The following PLCH1 variants were observed in gnomAD, a reference collection of about 807,000 sequenced individuals.
PLCH1 encodes 1-phosphatidylinositol 4,5-bisphosphate phosphodiesterase eta-1.
A neutral mutation model predicts 126.7 loss-of-function variants in PLCH1; 60 were observed. That is an observed-to-expected ratio of 0.47 (90% CI 0.38 to 0.59). The LOEUF is 0.59. Among genes scored for constraint, PLCH1 ranks in the 20% least tolerant of loss-of-function variants. The probability of loss-of-function intolerance (pLI) is 0.00; values close to 1 mark genes in which losing one functional copy is unlikely to be tolerated. For synonymous variants in PLCH1, 719 were observed against 734.9 expected (o/e 0.98, Z 0.35); for missense variants, 1,723 against 2,040.0 (o/e 0.84, Z 2.99).
rs1021654417 is a variant in PLCH1 at position 155,548,287 on chromosome 3, C to T, written c.1362+1500G>A. On this transcript the variant is annotated intron_variant, in intron 10 of 22. Coordinates refer to ENST00000460012, the MANE Select transcript of PLCH1 (RefSeq NM_014996.4). ...CTTGTTTTTGCTTTAAATGGGGTTG[C>T]GCTGGTCCGCAGATCCAGGCAGCTC... Among the ~76,000 whole-genome samples the T allele has an allele frequency of 5.3e-5, 8 of 152,118 alleles. 1 individual carries two copies. The highest frequency in any genetic ancestry group is 2.1e-4 in the South Asian group (1 of 4,828).
At chr3:155,625,733 A>T (rs1737158275) in intron 2 of PLCH1, among the ~76,000 whole-genome samples, 2 of 152,302 alleles carry the variant, frequency 1.3e-5, no homozygotes, top group South Asian at 4.1e-4. Flanking sequence ...GAAACAACAG[A>T]TGCTGGAGAG....
chr3:155,526,148 C>T (rs182829208), intron 10 of PLCH1, among the ~76,000 whole-genome samples: 2 of 152,202 alleles, frequency 1.3e-5, no homozygotes, highest in African/African-American at 2.4e-5. Context: ...GAGGCCAAGG[C>T]GACTGCAGTA....
intron 2 of PLCH1, among the ~76,000 whole-genome samples, chr3:155,679,687 C>G (rs1224340333): frequency 6.6e-6 from 1 of 152,164 alleles, no homozygotes; most frequent in Non-Finnish European, 1.5e-5. Context: ...CCTACTGACG[C>G]AAACCTAGGA....
At chr3:155,662,412 G>A (rs1331829571) in intron 2 of PLCH1, among the ~76,000 whole-genome samples, 5 of 151,960 alleles carry the variant, frequency 3.3e-5, no homozygotes, top group African/African-American at 1.2e-4. Context: ...AGGTGGCAGT[G>A]AGCTATAATC....
chr3:155,472,037 C>T (rs182340491), intron 21 of PLCH1, among the ~76,000 whole-genome samples: 150 of 152,176 alleles, frequency 9.9e-4, no homozygotes, highest in African/African-American at 3.2e-3. Flanking sequence ...CAAGAGCAAA[C>T]GCATTCAAAA....
intron 10 of PLCH1, among the ~76,000 whole-genome samples, chr3:155,538,888 C>T (rs1723819194): frequency 6.6e-6 from 1 of 151,772 alleles, no homozygotes; most frequent in Non-Finnish European, 1.5e-5. Context: ...AGAATCCCCC[C>T]TAAATCATGC....
intron 1 of PLCH1, among the ~76,000 whole-genome samples, chr3:155,721,682 C>T (rs1747957059): frequency 6.6e-6 from 1 of 152,148 alleles, no homozygotes; most frequent in Non-Finnish European, 1.5e-5. Context: ...TCTTTACCAA[C>T]ATGGATACCC....
chr3:155,673,516 A>G (rs1210872537), intron 2 of PLCH1, among the ~76,000 whole-genome samples: 5 of 152,166 alleles, frequency 3.3e-5, no homozygotes, highest in Non-Finnish European at 7.4e-5. Context: ...ATGACATAGC[A>G]TGAGCAAAAT....
At chr3:155,504,675 C>A in intron 12 of PLCH1, 49 bp from the exon 13 acceptor site, 1 of 1,330,054 alleles carries the variant, frequency 7.5e-7, no homozygotes, top group Non-Finnish European at 1.1e-6. Context: ...TTGCTTTTGT[C>A]TTTTTCCTTA....
chr3:155,451,344 T>C (rs1712303668), intron 21 of PLCH1, among the ~76,000 whole-genome samples: 1 of 152,140 alleles, frequency 6.6e-6, no homozygotes, highest in African/African-American at 2.4e-5. Flanking sequence ...GAAAATAATG[T>C]TAAGTGAAGA....
chr3:155,540,754 A>T (rs73013272), intron 10 of PLCH1, among the ~76,000 whole-genome samples: 3,582 of 152,286 alleles, frequency 0.024, 96 homozygotes, highest in African/African-American at 0.066. Flanking sequence ...AGATGTTGGC[A>T]TAGATGTGGT....
intron 1 of PLCH1, among the ~76,000 whole-genome samples, 190 bp from the exon 2 acceptor site, chr3:155,704,454 C>T (rs1307050885): frequency 1.3e-5 from 2 of 152,142 alleles, no homozygotes; most frequent in African/African-American, 4.8e-5. Context: ...TCTAGAATGA[C>T]ATTTAGCATA....
chr3:155,563,765 T>C (rs1727941183), intron 8 of PLCH1, among the ~76,000 whole-genome samples: 1 of 152,116 alleles, frequency 6.6e-6, no homozygotes, highest in South Asian at 2.1e-4. Context: ...AAAACTAAAA[T>C]GAAATTCCTC....
At chr3:155,502,566 C>T (rs990907135) in intron 13 of PLCH1, among the ~76,000 whole-genome samples, 5 of 152,008 alleles carry the variant, frequency 3.3e-5, no homozygotes, top group African/African-American at 1.2e-4. Flanking sequence ...TAATAAATGT[C>T]TTTTTAAGAA....
At chr3:155,726,082 A>G (rs1748297036) in intron 1 of PLCH1, among the ~76,000 whole-genome samples, 1 of 152,202 alleles carries the variant, frequency 6.6e-6, no homozygotes, top group Admixed American at 6.5e-5. Flanking sequence ...TTTAGAGCAC[A>G]TTAACTCCTT....
chr3:155,653,283 G>A (rs779615671), intron 2 of PLCH1, among the ~76,000 whole-genome samples: 7 of 152,154 alleles, frequency 4.6e-5, no homozygotes, highest in Non-Finnish European at 8.8e-5. Context: ...CCTCCCATGG[G>A]CTGGGATTAC....
intron 1 of PLCH1, among the ~76,000 whole-genome samples, chr3:155,713,554 GA>G (rs1437015771): frequency 6.6e-6 from 1 of 152,164 alleles, no homozygotes; most frequent in Non-Finnish European, 1.5e-5. Flanking sequence ...GTTGGAATGG[GA>G]AGAAAATCTG....
At chr3:155,593,771 C>T (rs936914177) in intron 4 of PLCH1, among the ~76,000 whole-genome samples, 170 bp downstream of exon 4, 1 of 152,062 alleles carries the variant, frequency 6.6e-6, no homozygotes, top group African/African-American at 2.4e-5. Context: ...TTCATGCGTT[C>T]ATTTATTTGG....
chr3:155,704,271 A>C lies in PLCH1; in HGVS notation c.-40-7T>G. 1.2e-6 allele frequency: 1 copy of C among 807,046 alleles called. No homozygotes were observed. The highest frequency in any genetic ancestry group is 1.7e-6 in the Non-Finnish European group (1 of 599,702). 50.0% of individuals were successfully genotyped at this position (807,046 alleles called of 1,614,324 possible). On this transcript the variant is annotated splice_polypyrimidine_tract_variant and splice_region_variant and intron_variant, in intron 1 of 22. Transcript: ENST00000460012. ...GCATCAAAACCAAATTGCCCTGTCA[A>C]GGGAAACAGAATGAGACAAAAATGA...
Sources: gnomAD v4.1 joint callset for allele counts (sites outside exome capture counted in the v4.1 genomes callset) on GRCh38, gnomAD v4.1.1 for gene constraint, MANE v1.5 for transcripts, NCBI Gene and HGNC (gene_info 2026-07-23, HGNC 2026-07-21) for gene names.